The following PCCB variants were observed in gnomAD, a reference collection of about 807,000 sequenced individuals.
PCCB encodes the protein propionyl-CoA carboxylase beta chain, mitochondrial.
PCCB carries 43 observed loss-of-function variants against 60.7 expected under a neutral mutation model. That is an observed-to-expected ratio of 0.71 (90% CI 0.55 to 0.91). The LOEUF is 0.91. Among genes scored for constraint, PCCB ranks in the 40% least tolerant of loss-of-function variants. The pLI is 0.00. For missense variants in PCCB, 766 were observed against 702.8 expected, an observed-to-expected ratio of 1.09 and a Z score of -1.02; for synonymous variants, 276 against 255.9, an observed-to-expected ratio of 1.08 and a Z score of -0.75.
intron 1 of PCCB, among the ~76,000 whole-genome samples, chr3:136,250,998 G>A (rs1941500415): frequency 1.3e-5 from 2 of 152,294 alleles, no homozygotes; most frequent in Non-Finnish European, 2.9e-5. Context: ...GTGGAAGCAG[G>A]AAAACTGAAC....
At position 136,255,247 on chromosome 3, in the gene PCCB, A is replaced by G. The variant is rs568528031; in HGVS notation, c.184-609A>G. 123 of 157,248 alleles carry G rather than the reference A, an allele frequency of 7.8e-4. 4 individuals carry two copies. In the South Asian group the frequency reaches 0.022, roughly 28 times the overall value. 9.7% of individuals were successfully genotyped at this position (157,248 alleles called of 1,614,324 possible). A position where few individuals can be genotyped will look rare whatever the true frequency, so the allele number is the denominator to read the frequency against. Reference sequence around the variant, plus strand: ...TGTCCCACTCCCCTTCTACTCAGCCACTCCCTGCTGTGGGGTCATCTCTGT... The same window carrying G: ...TGTCCCACTCCCCTTCTACTCAGCCGCTCCCTGCTGTGGGGTCATCTCTGT... On this transcript the variant is annotated intron_variant, in intron 1 of 14. Transcript: ENST00000251654.
chr3:136,259,860 C>G (rs1576405356), intron 3 of PCCB, among the ~76,000 whole-genome samples: 1 of 152,132 alleles, frequency 6.6e-6, no homozygotes, highest in Non-Finnish European at 1.5e-5. Flanking sequence ...TCAAGTGATT[C>G]TCCTGCCTCA....
intron 5 of PCCB, among the ~76,000 whole-genome samples, chr3:136,268,087 GATATATATATATATATATATATAT>G (rs61160895): frequency 1.1e-5 from 1 of 93,800 alleles, no homozygotes; most frequent in East Asian, 2.9e-4. Flanking sequence ...TGTGTGTGTA[GATATATATATATATATATATATAT>G]ATATATATAT....
At chr3:136,300,892 A>G (rs1483602454) in intron 8 of PCCB, 138 bp from the exon 9 acceptor site, 1 of 713,812 alleles carries the variant, frequency 1.4e-6, no homozygotes, top group Non-Finnish European at 2.6e-6. Context: ...CTCTTTGGTG[A>G]CTGCTTTGTA....
chr3:136,257,800 G>T (rs1259635136), intron 3 of PCCB, among the ~76,000 whole-genome samples: 1 of 152,170 alleles, frequency 6.6e-6, no homozygotes, highest in Admixed American at 6.5e-5. Flanking sequence ...GCTGGGTGTT[G>T]TGGGTGCCTG....
intron 5 of PCCB, among the ~76,000 whole-genome samples, chr3:136,268,654 G>A (rs1942103224): frequency 6.6e-6 from 1 of 151,910 alleles, no homozygotes; most frequent in Non-Finnish European, 1.5e-5. Context: ...AGTGGAGATA[G>A]GGTTTCACCA....
At chr3:136,328,647 C>G in intron 13 of PCCB, 111 bp from the exon 14 acceptor site, 1 of 824,976 alleles carries the variant, frequency 1.2e-6, no homozygotes. Flanking sequence ...CACTTCCCCT[C>G]AGTACACTGA....
intron 8 of PCCB, among the ~76,000 whole-genome samples, chr3:136,299,761 T>G (rs956653068): frequency 6.6e-6 from 1 of 150,656 alleles, no homozygotes; most frequent in Admixed American, 6.6e-5. Flanking sequence ...CATGTGTGTG[T>G]ATGTATAGGT....
chr3:136,288,368 C>T (rs887990435), intron 6 of PCCB, among the ~76,000 whole-genome samples: 3 of 151,814 alleles, frequency 2.0e-5, no homozygotes, highest in Non-Finnish European at 4.4e-5. Flanking sequence ...TTTTTTGAGA[C>T]GGAGTCTCCC....
intron 13 of PCCB, 145 bp from the exon 14 acceptor site, chr3:136,328,613 C>T: frequency 1.4e-6 from 1 of 697,938 alleles, no homozygotes; most frequent in South Asian, 1.5e-5. Flanking sequence ...GTTCCTCCCT[C>T]TATGCTATGG....
chr3:136,290,240 T>G (rs1368544127), intron 6 of PCCB, among the ~76,000 whole-genome samples: 1 of 152,190 alleles, frequency 6.6e-6, no homozygotes, highest in Non-Finnish European at 1.5e-5. Context: ...AAGTTTTGTT[T>G]GTTTGAGAAG....
intron 5 of PCCB, among the ~76,000 whole-genome samples, chr3:136,265,221 T>C (rs554886434): frequency 5.3e-4 from 81 of 152,226 alleles, no homozygotes; most frequent in African/African-American, 1.9e-3. Flanking sequence ...TATTGAGATA[T>C]AATTTACAAA....
At chr3:136,268,465 G>GTTT (rs535168208) in intron 5 of PCCB, among the ~76,000 whole-genome samples, 10 of 133,226 alleles carry the variant, frequency 7.5e-5, no homozygotes, top group African/African-American at 1.4e-4. Flanking sequence ...CTCCAACTTG[G>GTTT]TTTTTTTTTT....
At chr3:136,259,729 CT>C (rs1446632928) in intron 3 of PCCB, among the ~76,000 whole-genome samples, 1 of 152,038 alleles carries the variant, frequency 6.6e-6, no homozygotes, top group Non-Finnish European at 1.5e-5. Context: ...ATTTTTTAAA[CT>C]TCTGAAAATG....
intron 7 of PCCB, among the ~76,000 whole-genome samples, chr3:136,294,241 T>G (rs905522155): frequency 1.3e-5 from 2 of 152,192 alleles, no homozygotes; most frequent in Non-Finnish European, 2.9e-5. Context: ...TTAGAGTACA[T>G]AAGTGTTTTC....
At chr3:136,259,105 A>G in intron 3 of PCCB, 1 of 1,383,994 alleles carries the variant, frequency 7.2e-7, no homozygotes, top group Non-Finnish European at 9.4e-7. Flanking sequence ...TCTGAACATA[A>G]TGAAGATCCA....
At chr3:136,279,637 G>T (rs1448178932) in intron 5 of PCCB, among the ~76,000 whole-genome samples, 1 of 151,910 alleles carries the variant, frequency 6.6e-6, no homozygotes, top group African/African-American at 2.4e-5. Context: ...CAGATTTATT[G>T]TTTCATGCAT....
At chr3:136,266,781 T>C (rs999927485) in intron 5 of PCCB, among the ~76,000 whole-genome samples, 1 of 152,238 alleles carries the variant, frequency 6.6e-6, no homozygotes, top group African/African-American at 2.4e-5. Context: ...TAAGAGTTCT[T>C]CATATATTCT....
At chr3:136,272,799 T>A (rs1189722320) in intron 5 of PCCB, among the ~76,000 whole-genome samples, 2 of 152,154 alleles carry the variant, frequency 1.3e-5, no homozygotes, top group African/African-American at 4.8e-5. Context: ...AAGTTTTTGT[T>A]TTATTTTTTG....
Sources: gnomAD v4.1 joint callset for allele counts (sites outside exome capture counted in the v4.1 genomes callset) on GRCh38, gnomAD v4.1.1 for gene constraint, MANE v1.5 for transcripts, NCBI Gene and HGNC (gene_info 2026-07-23, HGNC 2026-07-21) for gene names.